Variants in MAP1B observed in about 807,000 individuals in gnomAD.
The protein encoded by MAP1B is microtubule associated protein 1B.
MAP1B carries 12 observed loss-of-function variants against 176.1 expected under a neutral mutation model. The ratio of observed to expected loss-of-function variants is 0.07; its 90% CI spans 0.04 to 0.11. The LOEUF (loss-of-function observed/expected upper bound fraction) is 0.11, where lower values mean the gene tolerates loss of function less well. Among genes scored for constraint, MAP1B ranks in the 10% least tolerant of loss-of-function variants. MAP1B has a pLI of 1.00. For synonymous variants in MAP1B, 1,044 were observed against 1,135.0 expected (o/e 0.92, Z 1.61); for missense variants, 2,523 against 2,990.5 (o/e 0.84, Z 3.65).
chr5:72,170,399 G>A (rs929509654), intron 2 of MAP1B, among the ~76,000 whole-genome samples: 3 of 152,130 alleles, frequency 2.0e-5, no homozygotes, highest in Admixed American at 2.0e-4. Flanking sequence ...TCAATAGTTC[G>A]TGCAAGCATT....
At position 72,193,927 on chromosome 5, in the gene MAP1B, C is replaced by T; in HGVS notation, c.572C>T (p.Pro191Leu). Residue 191 changes from proline (P) to leucine (L), a missense_variant, in exon 5 of 7, where the codon CCT (proline) becomes CTT (leucine). Pro to Leu is a moderately conservative substitution (Grantham distance 98). Around this residue, in one of 4 missense-constraint regions of MAP1B, gnomAD observed 307 missense variants for 438.4 expected, o/e 0.70. Transcript: ENST00000296755. ...ANKASLTLFC[P>L]EEGDWKNSNL... Reference sequence around the variant, plus strand: ...AAAGCCAGCTTAACCCTGTTCTGTCCTGAAGAAGGGGACTGGAAGAACTCC... The same window carrying T: ...AAAGCCAGCTTAACCCTGTTCTGTCTTGAAGAAGGGGACTGGAAGAACTCC... 6.2e-7 allele frequency: 1 copy of T among 1,614,034 alleles called. No homozygotes were observed. The highest frequency in any genetic ancestry group is 8.5e-7 in the Non-Finnish European group (1 of 1,179,956).
At chr5:72,142,137 C>G (rs577989444) in intron 2 of MAP1B, among the ~76,000 whole-genome samples, 24 of 152,332 alleles carry the variant, frequency 1.6e-4, no homozygotes, top group Non-Finnish European at 2.6e-4. Context: ...TGGTGTCCCT[C>G]CCCATCTGGG....
intron 2 of MAP1B, among the ~76,000 whole-genome samples, chr5:72,128,686 G>A (rs1280282791): frequency 6.6e-6 from 1 of 152,140 alleles, no homozygotes; most frequent in East Asian, 1.9e-4. Flanking sequence ...CTGCGCCCAG[G>A]CTGGAGTGCA....
Position 72,194,790 on chromosome 5 carries a change from A to C in MAP1B, c.1435A>C (p.Asn479His). 6.2e-7 allele frequency: 1 copy of C among 1,614,190 alleles called. No individual in the cohort carries two copies. The change falls in exon 5 of 7, where the codon AAC becomes CAC. Residue 479 changes from asparagine (N) to histidine (H), a missense_variant. Physicochemically the swap from Asn to His is moderately conservative, Grantham distance 68. Around this residue, in one of 4 missense-constraint regions of MAP1B, gnomAD observed 1,925 missense variants for 2,126.0 expected, o/e 0.91. Coordinates refer to ENST00000296755, the MANE Select transcript of MAP1B (RefSeq NM_005909.5). This position sits in a 1 kb window ranked among gnomAD's most constrained non-coding sequence, Gnocchi z 7.2. ...ATCTTTGATTGTGTGGCATCCAGCAAACCCTGCGGAGAAAATCATCCGAGT... is the reference window on the plus strand; with the variant it reads ...ATCTTTGATTGTGTGGCATCCAGCACACCCTGCGGAGAAAATCATCCGAGT... ...VSSLIVWHPA[N>H]PAEKIIRVLF... is the part of the protein sequence containing the mutation.
chr5:72,189,674 C>A (rs1181282122), intron 4 of MAP1B, among the ~76,000 whole-genome samples: 1 of 147,864 alleles, frequency 6.8e-6, no homozygotes, highest in Non-Finnish European at 1.5e-5. Flanking sequence ...ACCTGGGCAA[C>A]AGAGCAAGAT....
chr5:72,142,072 TA>T (rs1159094461), intron 2 of MAP1B, among the ~76,000 whole-genome samples: 1 of 152,172 alleles, frequency 6.6e-6, no homozygotes, highest in Non-Finnish European at 1.5e-5. Flanking sequence ...CAAATCCTAA[TA>T]TGCTGACAAG....
chr5:72,171,597 A>T (rs190876820), intron 2 of MAP1B, among the ~76,000 whole-genome samples: 3,664 of 151,254 alleles, frequency 0.024, 59 homozygotes, highest in Non-Finnish European at 0.035. Flanking sequence ...CTCAAAAAAA[A>T]TTTTTTTTTT....
chr5:72,208,472 T>G lies in MAP1B; in HGVS notation c.*3233T>G, dbSNP rs892539988. The stretch of plus-strand genomic sequence containing the variant: ...AGCGATGATCCTCCATTTTCAATTT[T>G]AACCAATTCTGTCCCCTTTCTCAAA... On this transcript the variant is annotated 3_prime_UTR_variant, in exon 7 of 7. Coordinates refer to ENST00000296755, the MANE Select transcript of MAP1B (RefSeq NM_005909.5). 5 of 152,190 alleles carry G rather than the reference T, an allele frequency of 3.3e-5. No individual in the cohort carries two copies. The highest frequency in any genetic ancestry group is 7.3e-5 in the Non-Finnish European group (5 of 68,036). 9.4% of individuals were successfully genotyped at this position (152,190 alleles called of 1,614,324 possible). A position where few individuals can be genotyped will look rare whatever the true frequency, so the allele number is the denominator to read the frequency against.
At chr5:72,152,222 T>TA (rs1239513957) in intron 2 of MAP1B, among the ~76,000 whole-genome samples, 10 of 152,180 alleles carry the variant, frequency 6.6e-5, no homozygotes, top group African/African-American at 2.2e-4. Context: ...TGTTTTTTTT[T>TA]ACGTAAAAAG....
At chr5:72,189,378 T>G (rs928506648) in intron 4 of MAP1B, among the ~76,000 whole-genome samples, 2 of 152,222 alleles carry the variant, frequency 1.3e-5, no homozygotes, top group Admixed American at 1.3e-4. Context: ...TCATTGTATC[T>G]TCAAGGAAGT....
At chr5:72,174,876 C>CTTCT (rs1482514015) in intron 2 of MAP1B, among the ~76,000 whole-genome samples, 1 of 27,814 alleles carries the variant, frequency 3.6e-5, no homozygotes, top group African/African-American at 1.3e-4. Context: ...TGCTTCCTTT[C>CTTCT]TTCCTTCCTT....
In MAP1B at chr5:72,205,891, T is replaced by G. The variant is rs190998859; in HGVS notation, c.*652T>G. 9 of 152,674 alleles carry G rather than the reference T, an allele frequency of 5.9e-5. No homozygotes were observed. The highest frequency in any genetic ancestry group is 2.2e-4 in the African/African-American group (9 of 41,580). 9.5% of individuals were successfully genotyped at this position (152,674 alleles called of 1,614,324 possible). A position where few individuals can be genotyped will look rare whatever the true frequency, so the allele number is the denominator to read the frequency against. ...AAAGTAAAAAGAACAACACTTGTTA[T>G]GAGGGCATGTGATATTTTCACATCT... On this transcript the variant is annotated 3_prime_UTR_variant, in exon 7 of 7. Coordinates refer to ENST00000296755, the MANE Select transcript of MAP1B (RefSeq NM_005909.5).
chr5:72,159,707 T>A (rs904217886), intron 2 of MAP1B, among the ~76,000 whole-genome samples: 31 of 152,188 alleles, frequency 2.0e-4, no homozygotes, highest in African/African-American at 7.0e-4. Context: ...AGGCATTCAA[T>A]GATGAAAATA....
In MAP1B at chr5:72,195,785, G is replaced by A. The variant is rs765757353; in HGVS notation, c.2430G>A (p.Ala810=). The A allele has an allele frequency of 3.0e-5, 49 of 1,614,038 alleles. No individual in the cohort carries two copies. The Admixed American group carries it at 6.2e-4, about 20-fold the overall frequency. The change falls in exon 5 of 7, where the codon GCG becomes GCA. Residue 810 remains alanine (A), a synonymous_variant. Transcript: ENST00000296755. ...GTGATTAAVM[A]AAGIAAIGPA... is the part of the protein sequence containing the mutation. ...GAGCCACCACAGCAGCTGTCATGGCGGCAGCTGGAATAGCAGCCATTGGCC... is the reference window on the plus strand; with the variant it reads ...GAGCCACCACAGCAGCTGTCATGGCAGCAGCTGGAATAGCAGCCATTGGCC...
At chr5:72,149,121 T>G (rs147164575) in intron 2 of MAP1B, among the ~76,000 whole-genome samples, 316 of 152,346 alleles carry the variant, frequency 2.1e-3, no homozygotes, top group African/African-American at 7.2e-3. Context: ...GGCTGCCCAT[T>G]AAAGATTATC....
intron 2 of MAP1B, among the ~76,000 whole-genome samples, chr5:72,120,040 G>T (rs1011744130): frequency 1.1e-4 from 17 of 152,124 alleles, no homozygotes; most frequent in African/African-American, 4.1e-4. Flanking sequence ...TCTATGTATA[G>T]TAGTAAAGAA....
intron 2 of MAP1B, among the ~76,000 whole-genome samples, chr5:72,169,968 G>A (rs1378108788): frequency 6.6e-6 from 1 of 152,136 alleles, no homozygotes; most frequent in Non-Finnish European, 1.5e-5. Flanking sequence ...TTATTTTATG[G>A]CACAGTAAAT....
chr5:72,119,942 A>G (rs940790462), intron 2 of MAP1B, among the ~76,000 whole-genome samples: 1 of 152,214 alleles, frequency 6.6e-6, no homozygotes, highest in Non-Finnish European at 1.5e-5. Flanking sequence ...TCTGACCACA[A>G]AAGCAAAGCT....
rs983057374 is a variant in MAP1B, at chr5:72,204,716, G to A, written c.7252-368G>A. 2.0e-5 allele frequency among the ~76,000 whole-genome samples: 3 copies of A among 152,078 alleles called. No homozygotes were observed. The highest frequency in any genetic ancestry group is 4.8e-5 in the African/African-American group (2 of 41,396). On this transcript the variant is annotated intron_variant, in intron 6 of 6. Transcript: ENST00000296755. The surrounding 1 kb of genome is among the most constrained non-coding windows in gnomAD (Gnocchi z 4.4). ...TGGGCTTTTGAGGGCTTTGAAGTGC[G>A]CGATAAAATCCTTGGATTAAATATG...
Sources: gnomAD v4.1 joint callset for allele counts (sites outside exome capture counted in the v4.1 genomes callset) on GRCh38, gnomAD v4.1.1 for gene constraint, gnomAD v4.1.1 regional missense constraint, Gnocchi (gnomAD v3.1) non-coding constraint, MANE v1.5 for transcripts, NCBI Gene and HGNC (gene_info 2026-07-23, HGNC 2026-07-21) for gene names.